The following XKR9 variants were observed in gnomAD, a reference collection of about 807,000 sequenced individuals.
XKR9 encodes the protein XK-related protein 9.
A neutral mutation model predicts 32.0 loss-of-function variants in XKR9; 32 were observed. The ratio of observed to expected loss-of-function variants is 1.00; its 90% CI spans 0.76 to 1.34. XKR9 has a LOEUF of 1.34. Ranked by LOEUF, XKR9 falls within the 40% of genes most tolerant of loss-of-function variation. XKR9 has a pLI of 0.00. For missense variants in XKR9, 546 were observed against 429.7 expected, an observed-to-expected ratio of 1.27 and a Z score of -2.39; for synonymous variants, 168 against 143.4, an observed-to-expected ratio of 1.17 and a Z score of -1.22.
At chr8:70,886,122 T>C in the XKR9 span, among the ~76,000 whole-genome samples, 1 of 152,206 alleles carries the variant, frequency 6.6e-6, no homozygotes, top group African/African-American at 2.4e-5. Flanking sequence ...CTCCTACTAA[T>C]GAGTGAGAAC....
the XKR9 span, among the ~76,000 whole-genome samples, chr8:71,037,849 G>A: frequency 6.6e-6 from 1 of 152,166 alleles, no homozygotes; most frequent in Admixed American, 6.5e-5. Flanking sequence ...AAAGAATGAA[G>A]TAAGTTCCTG....
the XKR9 span, among the ~76,000 whole-genome samples, chr8:70,883,180 C>T: frequency 6.6e-6 from 1 of 151,328 alleles, no homozygotes; most frequent in Non-Finnish European, 1.5e-5. Context: ...CTCTATATGT[C>T]CTTGAGTCCT....
intron 2 of XKR9, among the ~76,000 whole-genome samples, chr8:70,758,908 G>C (rs959956443): frequency 8.5e-5 from 13 of 152,268 alleles, no homozygotes; most frequent in African/African-American, 3.1e-4. Context: ...TGGTTTAGAG[G>C]CAGTCTCTAA....
At chr8:70,872,010 T>C in the XKR9 span, among the ~76,000 whole-genome samples, 2 of 152,216 alleles carry the variant, frequency 1.3e-5, no homozygotes, top group Non-Finnish European at 2.9e-5. Context: ...TGCACATCAT[T>C]GCTATGGAAC....
At chr8:70,888,498 C>A in the XKR9 span, among the ~76,000 whole-genome samples, 5 of 151,914 alleles carry the variant, frequency 3.3e-5, no homozygotes, top group East Asian at 7.7e-4. Context: ...GTTGCCTGTG[C>A]TTTTGAGGTC....
At chr8:70,822,680 CTG>C in the XKR9 span, among the ~76,000 whole-genome samples, 1 of 151,660 alleles carries the variant, frequency 6.6e-6, no homozygotes, top group Admixed American at 6.6e-5. Flanking sequence ...AAAGTTCATT[CTG>C]TGTGACAAGT....
the XKR9 span, among the ~76,000 whole-genome samples, chr8:70,951,237 A>C: frequency 1.1e-4 from 17 of 152,258 alleles, no homozygotes; most frequent in Non-Finnish European, 2.4e-4. Context: ...GCACAATTTT[A>C]TTCCTAAGTT....
chr8:70,979,683 A>G, the XKR9 span, among the ~76,000 whole-genome samples: 19 of 152,166 alleles, frequency 1.2e-4, no homozygotes, highest in African/African-American at 4.6e-4. Context: ...CCCTACTGGG[A>G]GGTGTCTCCA....
At chr8:70,781,298 T>C (rs1807612854) in intron 2 of XKR9, among the ~76,000 whole-genome samples, 1 of 152,146 alleles carries the variant, frequency 6.6e-6, no homozygotes, top group South Asian at 2.1e-4. Flanking sequence ...ATTGTAAGGA[T>C]TCTTTAAACA....
At chr8:70,726,046 A>G (rs1806458369) in intron 4 of XKR9, among the ~76,000 whole-genome samples, 1 of 152,212 alleles carries the variant, frequency 6.6e-6, no homozygotes, top group African/African-American at 2.4e-5. Context: ...TCTGAGCAGA[A>G]TCCAATTTGA....
At chr8:70,714,196 C>G (rs1364021585) in intron 4 of XKR9, among the ~76,000 whole-genome samples, 1 of 152,048 alleles carries the variant, frequency 6.6e-6, no homozygotes, top group Non-Finnish European at 1.5e-5. Context: ...ATTTATTTAA[C>G]TTTACCTCCT....
the XKR9 span, among the ~76,000 whole-genome samples, chr8:71,032,955 G>A: frequency 2.0e-5 from 3 of 152,072 alleles, no homozygotes; most frequent in Non-Finnish European, 4.4e-5. Flanking sequence ...GTGGTGGTGG[G>A]CACCTGTAAT....
chr8:70,986,699 A>G, the XKR9 span, among the ~76,000 whole-genome samples: 1 of 152,236 alleles, frequency 6.6e-6, no homozygotes, highest in African/African-American at 2.4e-5. Context: ...TGTTCTGGAT[A>G]TATTTTTAAA....
the XKR9 span, among the ~76,000 whole-genome samples, chr8:70,900,177 C>T: frequency 1.3e-5 from 2 of 152,178 alleles, no homozygotes; most frequent in South Asian, 4.1e-4. Context: ...ACTTCCCACT[C>T]CCAAACCCTT....
the XKR9 span, among the ~76,000 whole-genome samples, chr8:70,881,839 A>C: frequency 6.6e-6 from 1 of 152,238 alleles, no homozygotes; most frequent in Non-Finnish European, 1.5e-5. Context: ...GGCACTATTC[A>C]CAATAGCAAA....
the XKR9 span, among the ~76,000 whole-genome samples, chr8:71,002,753 A>C: frequency 6.6e-6 from 1 of 152,270 alleles, no homozygotes; most frequent in Admixed American, 6.5e-5. Flanking sequence ...AGACATGGAA[A>C]CATAAACACT....
rs56183200 is a variant in XKR9 at position 70,685,359 on chromosome 8, G to A, written c.272+4029G>A. Reference sequence around the variant, plus strand: ...GGGGACTGTTGTGGGGTGGGGGGAGGGGGGAGGGATAGCATTAGGAGATAT... The same window carrying A: ...GGGGACTGTTGTGGGGTGGGGGGAGAGGGGAGGGATAGCATTAGGAGATAT... On this transcript the variant is annotated intron_variant, in intron 3 of 4. Coordinates refer to ENST00000408926, the MANE Select transcript of XKR9 (RefSeq NM_001011720.2). 4.6e-5 allele frequency among the ~76,000 whole-genome samples: 4 copies of A among 87,340 alleles called. No individual in the cohort carries two copies. In the Admixed American group the frequency reaches 5.9e-4, roughly 13 times the overall value. 57.3% of individuals were successfully genotyped at this position (87,340 alleles called of 152,430 possible).
chr8:70,882,057 G>A, the XKR9 span, among the ~76,000 whole-genome samples: 1 of 151,978 alleles, frequency 6.6e-6, no homozygotes, highest in Non-Finnish European at 1.5e-5. Context: ...GGTGGGAATT[G>A]AACAATGAAA....
chr8:70,686,861 T>G (rs1475546774), intron 3 of XKR9, among the ~76,000 whole-genome samples: 1 of 152,144 alleles, frequency 6.6e-6, no homozygotes, highest in Admixed American at 6.6e-5. Flanking sequence ...ATTTATGGAG[T>G]ACATGTAATG....
Sources: allele counts gnomAD v4.1 joint callset (sites outside exome capture counted in the v4.1 genomes callset), GRCh38; gene constraint gnomAD v4.1.1; transcripts MANE v1.5; gene names NCBI Gene and HGNC (gene_info 2026-07-23, HGNC 2026-07-21).